Variants in MVB12B observed in about 807,000 individuals in gnomAD.
MVB12B encodes ESCRT-I complex subunit MVB12B.
Under a neutral mutation model 41.6 loss-of-function variants are expected in MVB12B, and 16 were observed. That is an observed-to-expected ratio of 0.38 (90% CI 0.26 to 0.58). The LOEUF is 0.58. Among genes scored for constraint, MVB12B ranks in the 20% least tolerant of loss-of-function variants. The probability of loss-of-function intolerance (pLI) is 0.62; values close to 1 mark genes in which losing one functional copy is unlikely to be tolerated. For missense variants in MVB12B, 274 were observed against 380.2 expected, an observed-to-expected ratio of 0.72 and a Z score of 2.32; for synonymous variants, 133 against 139.7, an observed-to-expected ratio of 0.95 and a Z score of 0.34.
intron 2 of MVB12B, among the ~76,000 whole-genome samples, chr9:126,365,951 C>T (rs1238920483): frequency 6.6e-6 from 1 of 152,148 alleles, no homozygotes; most frequent in Admixed American, 6.5e-5. Context: ...GAGATTGGAG[C>T]ACCCTCCAGT....
Position 126,359,251 on chromosome 9 carries a change from A to G in MVB12B, c.204+18621A>G, listed in dbSNP as rs574222136. 5.3e-5 allele frequency among the ~76,000 whole-genome samples: 8 copies of G among 152,284 alleles called. No individual in the cohort carries two copies. The South Asian group carries it at 6.2e-4, about 12-fold the overall frequency. On this transcript the variant is annotated intron_variant, in intron 2 of 9. Coordinates refer to ENST00000361171, the MANE Select transcript of MVB12B (RefSeq NM_033446.3). Reference sequence around the variant, plus strand: ...GTTAAACCAAACTTCCATTTCTGGAATAAATCCCCCATGGACATAATAAAT... The same window carrying G: ...GTTAAACCAAACTTCCATTTCTGGAGTAAATCCCCCATGGACATAATAAAT...
At chr9:126,481,662 C>T (rs2119206237) in intron 8 of MVB12B, among the ~76,000 whole-genome samples, 1 of 152,256 alleles carries the variant, frequency 6.6e-6, no homozygotes, top group Admixed American at 6.5e-5. Flanking sequence ...CAGCCAGTGC[C>T]CCATGTAGTA....
intron 5 of MVB12B, among the ~76,000 whole-genome samples, chr9:126,393,591 A>G (rs923948638): frequency 2.0e-5 from 3 of 152,242 alleles, no homozygotes; most frequent in Non-Finnish European, 4.4e-5. Flanking sequence ...GAACTCAAGG[A>G]CAAACCACGA....
chr9:126,355,357 C>G (rs747396300), intron 2 of MVB12B, among the ~76,000 whole-genome samples: 2 of 152,214 alleles, frequency 1.3e-5, no homozygotes, highest in Non-Finnish European at 2.9e-5. Flanking sequence ...ATGTGAGGCC[C>G]ACGTGCATAG....
intron 7 of MVB12B, among the ~76,000 whole-genome samples, chr9:126,454,918 T>C (rs556052133): frequency 3.0e-4 from 45 of 152,166 alleles, no homozygotes; most frequent in Non-Finnish European, 5.1e-4. Flanking sequence ...ATAGGAATAC[T>C]GGGCAGCCCT....
At chr9:126,492,209 C>T (rs973825528) in intron 9 of MVB12B, among the ~76,000 whole-genome samples, 4 of 147,082 alleles carry the variant, frequency 2.7e-5, no homozygotes, top group Non-Finnish European at 4.5e-5. Flanking sequence ...TACACGTCTT[C>T]GCATGTTCCT....
chr9:126,381,563 C>T (rs1830636744), intron 3 of MVB12B, among the ~76,000 whole-genome samples: 1 of 152,166 alleles, frequency 6.6e-6, no homozygotes, highest in South Asian at 2.1e-4. Context: ...GACCCCACCC[C>T]ATGCCCTTGC....
intron 2 of MVB12B, among the ~76,000 whole-genome samples, chr9:126,371,162 C>T (rs372339070): frequency 5.9e-5 from 9 of 152,294 alleles, no homozygotes; most frequent in African/African-American, 2.2e-4. Flanking sequence ...AGGAGCCGGC[C>T]TTCCCCTGGG....
intron 7 of MVB12B, among the ~76,000 whole-genome samples, chr9:126,431,060 A>C (rs1832316620): frequency 6.6e-6 from 1 of 152,206 alleles, no homozygotes; most frequent in African/African-American, 2.4e-5. Context: ...ACTTGTTGAG[A>C]ATTATCACAT....
chr9:126,397,222 A>T, intron 6 of MVB12B: 1 of 985,494 alleles, frequency 1.0e-6, no homozygotes, highest in Non-Finnish European at 1.2e-6. Flanking sequence ...AGAAATGGGC[A>T]CCACCTCAGG....
chr9:126,420,976 C>G (rs1831997001), intron 6 of MVB12B, among the ~76,000 whole-genome samples: 1 of 152,124 alleles, frequency 6.6e-6, no homozygotes, highest in Non-Finnish European at 1.5e-5. Flanking sequence ...CGGAAATGTC[C>G]GGGTGTGGCC....
chr9:126,393,145 C>A (rs1831008100), intron 5 of MVB12B, among the ~76,000 whole-genome samples: 1 of 152,226 alleles, frequency 6.6e-6, no homozygotes, highest in Non-Finnish European at 1.5e-5. Context: ...CCCAGGGTTT[C>A]ACTTAGGGCT....
intron 7 of MVB12B, among the ~76,000 whole-genome samples, chr9:126,476,876 C>CAAAAA (rs35160593): frequency 6.3e-5 from 4 of 63,820 alleles, no homozygotes; most frequent in African/African-American, 1.9e-4. Context: ...GACTCCATCT[C>CAAAAA]AAAAAAAAAA....
intron 2 of MVB12B, among the ~76,000 whole-genome samples, chr9:126,377,552 G>A (rs542759581): frequency 6.6e-6 from 1 of 152,142 alleles, no homozygotes; most frequent in Non-Finnish European, 1.5e-5. Flanking sequence ...GACAGGGTAT[G>A]TGGCTTTTCA....
chr9:126,404,589 G>C (rs551942681), intron 6 of MVB12B, among the ~76,000 whole-genome samples: 1 of 152,226 alleles, frequency 6.6e-6, no homozygotes, highest in Non-Finnish European at 1.5e-5. Context: ...ACTTCCCAGG[G>C]CGTGTGGGTG....
chr9:126,460,355 A>T (rs1320891999), intron 7 of MVB12B, among the ~76,000 whole-genome samples: 1 of 152,178 alleles, frequency 6.6e-6, no homozygotes, highest in African/African-American at 2.4e-5. Context: ...TCGCCAAACT[A>T]AACTTCTGGC....
At chr9:126,460,776 G>A (rs928987893) in intron 7 of MVB12B, among the ~76,000 whole-genome samples, 2 of 152,128 alleles carry the variant, frequency 1.3e-5, no homozygotes, top group Non-Finnish European at 2.9e-5. Flanking sequence ...TTCAACCCTG[G>A]CTCCACCTCT....
intron 7 of MVB12B, among the ~76,000 whole-genome samples, chr9:126,429,202 C>A (rs1255351791): frequency 1.3e-5 from 2 of 152,146 alleles, no homozygotes; most frequent in Admixed American, 6.5e-5. Context: ...TTATCATCCC[C>A]TATAAGAACC....
chr9:126,364,840 CTCCCGGGTTCACGCCAT>C (rs1830122347), intron 2 of MVB12B, among the ~76,000 whole-genome samples: 1 of 152,012 alleles, frequency 6.6e-6, no homozygotes, highest in African/African-American at 2.4e-5. Context: ...CAAGCTCCGC[CTCCCGGGTTCACGCCAT>C]TCTCCTGCCT....
Sources: allele counts gnomAD v4.1 joint callset (sites outside exome capture counted in the v4.1 genomes callset), GRCh38; gene constraint gnomAD v4.1.1; transcripts MANE v1.5; gene names NCBI Gene and HGNC (gene_info 2026-07-23, HGNC 2026-07-21).